Variants in PDE3B observed in about 807,000 individuals in gnomAD.
The protein encoded by PDE3B is phosphodiesterase 3B, also known as cGMP-inhibited 3',5'-cyclic phosphodiesterase 3B.
PDE3B carries 66 observed loss-of-function variants against 116.8 expected under a neutral mutation model. That is an observed-to-expected ratio of 0.56 (90% CI 0.46 to 0.69). The LOEUF is 0.69. Ranked by LOEUF, PDE3B falls within the 30% of genes least tolerant of loss-of-function variation. The probability of loss-of-function intolerance (pLI) is 0.00; values close to 1 mark genes in which losing one functional copy is unlikely to be tolerated. For synonymous variants in PDE3B, 595 were observed against 533.6 expected (o/e 1.12, Z -1.59); for missense variants, 1,384 against 1,368.1 (o/e 1.01, Z -0.18).
intron 11 of PDE3B, among the ~76,000 whole-genome samples, chr11:14,841,955 A>AT (rs764765291): frequency 6.7e-6 from 1 of 148,718 alleles, no homozygotes; most frequent in African/African-American, 2.5e-5. Context: ...TGCCATATGA[A>AT]TTTTTTTTTC....
chr11:14,786,627 T>C lies in PDE3B; in HGVS notation c.1220T>C (p.Phe407Ser). The change falls in exon 3 of 16, where the codon TTT (phenylalanine) becomes TCT (serine). Residue 407 changes from phenylalanine (F) to serine (S), a missense_variant. Physicochemically the swap from Phe to Ser is radical, Grantham distance 155. This residue lies in a region of PDE3B where 956 missense variants were observed against 806.8 expected (regional missense o/e 1.18). Transcript: ENST00000282096. ...KINPLTPFPG[F>S]YPCSEIEDPA... ...AATCCTCTCACACCATTTCCTGGAT[T>C]TTACCCCTGTTCTGAAATAGAGGAC... is the stretch of plus-strand genomic sequence containing the variant. 6.2e-7 allele frequency: 1 copy of C among 1,612,814 alleles called. No homozygotes were observed. Among genetic ancestry groups the C allele is most frequent in the Admixed American group, 1.7e-5 (1 of 59,946 alleles).
chr11:14,650,196 G>A (rs1853531871), intron 1 of PDE3B, among the ~76,000 whole-genome samples: 1 of 149,692 alleles, frequency 6.7e-6, no homozygotes, highest in South Asian at 2.1e-4. Context: ...CTTGCATTCA[G>A]CAATGTTTTT....
intron 1 of PDE3B, among the ~76,000 whole-genome samples, chr11:14,646,249 G>C (rs1296843151): frequency 6.6e-6 from 1 of 152,246 alleles, no homozygotes; most frequent in African/African-American, 2.4e-5. Flanking sequence ...CTTCTTTTCT[G>C]TTCTCTTCCT....
intron 1 of PDE3B, among the ~76,000 whole-genome samples, chr11:14,655,042 AT>A (rs1200086481): frequency 1.4e-4 from 21 of 152,340 alleles, no homozygotes; most frequent in African/African-American, 4.8e-4. Context: ...ACGAATCACA[AT>A]AAATATAGAA....
intron 1 of PDE3B, among the ~76,000 whole-genome samples, chr11:14,722,629 C>T (rs1464239023): frequency 6.6e-6 from 1 of 152,104 alleles, no homozygotes; most frequent in Non-Finnish European, 1.5e-5. Context: ...GAGCTAAAGC[C>T]TGCCAATAAC....
chr11:14,897,600 T>C, the PDE3B span, among the ~76,000 whole-genome samples: 1 of 152,210 alleles, frequency 6.6e-6, no homozygotes. Flanking sequence ...TTGAAAATTA[T>C]CTTCTGGTCT....
intron 4 of PDE3B, among the ~76,000 whole-genome samples, chr11:14,802,643 G>A (rs944961917): frequency 1.3e-5 from 2 of 152,108 alleles, no homozygotes; most frequent in Non-Finnish European, 2.9e-5. Flanking sequence ...ATGTTGCCCC[G>A]GGTGGTACTG....
chr11:14,834,368 TA>T (rs1409336087), intron 10 of PDE3B, among the ~76,000 whole-genome samples: 1 of 152,224 alleles, frequency 6.6e-6, no homozygotes, highest in African/African-American at 2.4e-5. Flanking sequence ...CCCAAGATTA[TA>T]AAACTAGATA....
At chr11:14,877,506 C>T in the PDE3B span, 2 of 152,108 alleles carry the variant, frequency 1.3e-5, no homozygotes, top group Non-Finnish European at 2.9e-5. Flanking sequence ...GATGGACACT[C>T]AGGGTCACAC....
chr11:14,713,772 A>G lies in PDE3B; in HGVS notation c.979-58165A>G, dbSNP rs921226454. Among the ~76,000 whole-genome samples the G allele has an allele frequency of 2.0e-5, 3 of 152,166 alleles. No homozygotes were observed. The East Asian group carries it at 5.8e-4, about 29-fold the overall frequency. On this transcript the variant is annotated intron_variant, in intron 1 of 15. Coordinates refer to ENST00000282096, the MANE Select transcript of PDE3B (RefSeq NM_000922.4). ...TCTGTTTCCCTGGAGAACTGTAATT[A>G]ATAAAGGGTGACTTGGAAAGGCATC...
At chr11:14,828,549 A>G (rs910621164) in intron 7 of PDE3B, among the ~76,000 whole-genome samples, 10 of 152,236 alleles carry the variant, frequency 6.6e-5, no homozygotes, top group African/African-American at 2.4e-4. Context: ...GGCAACAATC[A>G]TATGAAAAAC....
chr11:14,888,019 C>T, the PDE3B span, among the ~76,000 whole-genome samples: 2 of 152,138 alleles, frequency 1.3e-5, no homozygotes, highest in Non-Finnish European at 2.9e-5. Context: ...TTTTCTTAGT[C>T]TAGAATGTTC....
At chr11:14,761,568 G>A (rs539815444) in intron 1 of PDE3B, among the ~76,000 whole-genome samples, 8 of 152,114 alleles carry the variant, frequency 5.3e-5, no homozygotes, top group Non-Finnish European at 1.0e-4. Context: ...AAAGTTTATT[G>A]GAAAAGTTAT....
At chr11:14,662,954 A>G (rs947938796) in intron 1 of PDE3B, among the ~76,000 whole-genome samples, 3 of 152,100 alleles carry the variant, frequency 2.0e-5, no homozygotes, top group African/African-American at 7.3e-5. Context: ...GGAAATACAG[A>G]GAACGCCACA....
intron 2 of PDE3B, among the ~76,000 whole-genome samples, chr11:14,781,579 A>G (rs1858003363): frequency 6.6e-6 from 1 of 152,224 alleles, no homozygotes; most frequent in Admixed American, 6.5e-5. Flanking sequence ...ATCTCAATAG[A>G]TGCAGAAAAG....
At chr11:14,885,371 T>C in the PDE3B span, among the ~76,000 whole-genome samples, 4 of 152,146 alleles carry the variant, frequency 2.6e-5, no homozygotes, top group African/African-American at 4.8e-5. Flanking sequence ...CAGTGATTAG[T>C]AGTCAAAAAA....
chr11:14,855,193 A>T (rs1406551647), intron 12 of PDE3B, among the ~76,000 whole-genome samples: 2 of 152,154 alleles, frequency 1.3e-5, no homozygotes, highest in Admixed American at 6.5e-5. Context: ...GATATAGGGG[A>T]CTAGGTCAAG....
At chr11:14,692,114 A>G (rs1283624551) in intron 1 of PDE3B, among the ~76,000 whole-genome samples, 1 of 152,040 alleles carries the variant, frequency 6.6e-6, no homozygotes, top group African/African-American at 2.4e-5. Flanking sequence ...ACAAAAATAA[A>G]TAATTAAAAA....
At chr11:14,734,288 G>T (rs1387994032) in intron 1 of PDE3B, among the ~76,000 whole-genome samples, 1 of 152,138 alleles carries the variant, frequency 6.6e-6, no homozygotes, top group Non-Finnish European at 1.5e-5. Flanking sequence ...TCCCAGGCTG[G>T]TCTGGAACTC....
Sources: gnomAD v4.1 joint callset for allele counts (sites outside exome capture counted in the v4.1 genomes callset) on GRCh38, gnomAD v4.1.1 for gene constraint, gnomAD v4.1.1 regional missense constraint, MANE v1.5 for transcripts, NCBI Gene and HGNC (gene_info 2026-07-23, HGNC 2026-07-21) for gene names.